Variants in SEMA6D observed in about 807,000 individuals in gnomAD.
SEMA6D encodes semaphorin-6D.
SEMA6D carries 35 observed loss-of-function variants against 106.6 expected under a neutral mutation model. That is an observed-to-expected ratio of 0.33 (90% CI 0.25 to 0.44). The LOEUF (loss-of-function observed/expected upper bound fraction) is 0.44. Ranked by LOEUF, SEMA6D falls within the 20% of genes least tolerant of loss-of-function variation. The pLI, the probability that SEMA6D is intolerant of heterozygous loss-of-function variation, is 1.00. For synonymous variants in SEMA6D, 499 were observed against 487.7 expected, an observed-to-expected ratio of 1.02 and a Z score of -0.31; for missense variants, 1,185 against 1,345.9, an observed-to-expected ratio of 0.88 and a Z score of 1.87.
chr15:47,737,444 A>AG (rs1473506960), intron 1 of SEMA6D, among the ~76,000 whole-genome samples: 1 of 152,208 alleles, frequency 6.6e-6, no homozygotes, highest in East Asian at 1.9e-4. Flanking sequence ...TTAATTTTAA[A>AG]GGGGAAAAAT....
chr15:47,649,157 A>G (rs1188349640), intron 4 of SEMA6D, among the ~76,000 whole-genome samples: 1 of 152,186 alleles, frequency 6.6e-6, no homozygotes, highest in African/African-American at 2.4e-5. Context: ...CATAAGGAAG[A>G]GAACAGCTAT....
rs2044425757 is a variant in SEMA6D, at chr15:47,517,460, T to C, written c.-87+46915T>C. On this transcript the variant is annotated intron_variant, in intron 3 of 19. Coordinates refer to the SEMA6D transcript ENST00000558014. ...ATGCGTTCATTACACATCTATATTG[T>C]ACTCTAAAAAGTGTAGTGAATTCTA... Among the ~76,000 whole-genome samples the C allele has an allele frequency of 2.0e-5, 3 of 152,294 alleles. No homozygotes were observed. The South Asian group carries it at 6.2e-4, about 32-fold the overall frequency.
intron 1 of SEMA6D, among the ~76,000 whole-genome samples, chr15:47,405,484 G>T (rs1163082822): frequency 6.6e-6 from 1 of 152,110 alleles, no homozygotes; most frequent in African/African-American, 2.4e-5. Flanking sequence ...GGTCAAGTGG[G>T]AATGGAGGAG....
At chr15:47,724,864 C>T (rs2079639815) in intron 1 of SEMA6D, among the ~76,000 whole-genome samples, 1 of 152,164 alleles carries the variant, frequency 6.6e-6, no homozygotes. Context: ...GCTCCGTGAT[C>T]AGGACTAAAA....
At chr15:47,202,230 T>C (rs147862997) in intron 1 of SEMA6D, among the ~76,000 whole-genome samples, 1 of 152,090 alleles carries the variant, frequency 6.6e-6, no homozygotes, top group Admixed American at 6.6e-5. Context: ...GTTGTTACAC[T>C]GCGTCTCTAA....
chr15:47,508,072 C>G (rs1364643874), intron 3 of SEMA6D, among the ~76,000 whole-genome samples: 1 of 152,152 alleles, frequency 6.6e-6, no homozygotes, highest in Non-Finnish European at 1.5e-5. Context: ...GGGAACATCA[C>G]CAACCTCTCT....
intron 4 of SEMA6D, among the ~76,000 whole-genome samples, chr15:47,622,097 T>C (rs1011994261): frequency 1.3e-5 from 2 of 151,890 alleles, no homozygotes; most frequent in Admixed American, 6.6e-5. Context: ...TCAGGGTAGA[T>C]TGCTGGTGGT....
Position 47,612,865 on chromosome 15 carries a change from A to G in SEMA6D, c.-55+11969A>G, listed in dbSNP as rs190468987. On this transcript the variant is annotated intron_variant, in intron 4 of 19. Transcript: ENST00000558014. ...ACAATTGTTCTCTTGGCAACTTGCT[A>G]TAAATCTGCAACTTTTACAACTTCT... is the stretch of plus-strand genomic sequence containing the variant. Among the ~76,000 whole-genome samples, 83 of 152,294 alleles carry G rather than the reference A, an allele frequency of 5.4e-4. No individual in the cohort carries two copies. The East Asian group carries it at 8.5e-3, about 16-fold the overall frequency.
chr15:47,772,355 TGC>T lies in SEMA6D; in HGVS notation c.*572_*573del, dbSNP rs1446090867. ...GCCACCAACAAACTTGTTGTGTGTG[TGC>T]GTGTGTGTGTGTGTGTGTGTGTGTG... On this transcript the variant is annotated 3_prime_UTR_variant, in exon 19 of 19. Transcript: ENST00000536845. 9 of 128,394 alleles carry T rather than the reference TGC, an allele frequency of 7.0e-5. No individual in the cohort carries two copies. In the South Asian group the frequency reaches 1.7e-3, roughly 24 times the overall value. 8.0% of individuals were successfully genotyped at this position (128,394 alleles called of 1,614,324 possible).
intron 1 of SEMA6D, among the ~76,000 whole-genome samples, chr15:47,323,887 T>C (rs2037023660): frequency 6.6e-6 from 1 of 152,264 alleles, no homozygotes. Flanking sequence ...TCAAACTGCT[T>C]TCTGAGTTAA....
upstream of SEMA6D, among the ~76,000 whole-genome samples, chr15:47,713,246 GTAGAA>G (rs2079053006): frequency 6.6e-6 from 1 of 151,558 alleles, no homozygotes; most frequent in Non-Finnish European, 1.5e-5. Flanking sequence ...TCATGCTGAG[GTAGAA>G]TAATCAAAAT....
rs538611518 is a variant in SEMA6D, at chr15:47,726,612, T to A, written c.-55+8920T>A. On this transcript the variant is annotated intron_variant, in intron 1 of 18. Coordinates refer to ENST00000536845, the MANE Select transcript of SEMA6D (RefSeq NM_001358351.3). ...ATAAGCTGTGTAATCTTTAACAAAT[T>A]ACTTCACCTCTTTGAGACTCATTTT... Among the ~76,000 whole-genome samples, 12 of 152,300 alleles carry A rather than the reference T, an allele frequency of 7.9e-5. No homozygotes were observed. The South Asian group carries it at 2.1e-3, about 26-fold the overall frequency.
intron 4 of SEMA6D, among the ~76,000 whole-genome samples, chr15:47,622,572 G>A (rs2077126701): frequency 1.3e-5 from 2 of 152,008 alleles, no homozygotes; most frequent in South Asian, 2.1e-4. Context: ...TGCAGAAGCC[G>A]ACCCCAAAAC....
intron 3 of SEMA6D, among the ~76,000 whole-genome samples, chr15:47,523,446 A>G (rs1350742503): frequency 1.3e-5 from 2 of 152,034 alleles, no homozygotes; most frequent in Non-Finnish European, 2.9e-5. Context: ...CAGGAAGAAC[A>G]GTTGGGAAGA....
At chr15:47,555,568 T>G (rs772492450) in intron 3 of SEMA6D, among the ~76,000 whole-genome samples, 3 of 152,156 alleles carry the variant, frequency 2.0e-5, no homozygotes, top group Non-Finnish European at 2.9e-5. Flanking sequence ...TCCAAGTTAC[T>G]AAATTTACTG....
chr15:47,278,697 G>A (rs1461556673), intron 1 of SEMA6D, among the ~76,000 whole-genome samples: 2 of 151,706 alleles, frequency 1.3e-5, no homozygotes, highest in African/African-American at 4.8e-5. Context: ...CCATGCCTAT[G>A]TCCTGAATGG....
intron 1 of SEMA6D, among the ~76,000 whole-genome samples, chr15:47,339,373 G>A (rs758333228): frequency 1.2e-4 from 19 of 152,114 alleles, no homozygotes; most frequent in Non-Finnish European, 2.2e-4. Context: ...TTCAACCCAT[G>A]GGATGTGACA....
intron 3 of SEMA6D, among the ~76,000 whole-genome samples, chr15:47,492,856 G>T (rs2043514661): frequency 6.6e-6 from 1 of 152,096 alleles, no homozygotes; most frequent in South Asian, 2.1e-4. Context: ...ATATATTTTT[G>T]ATAGTTGTCT....
At chr15:47,301,188 C>T (rs1275241762) in intron 1 of SEMA6D, among the ~76,000 whole-genome samples, 2 of 152,118 alleles carry the variant, frequency 1.3e-5, no homozygotes, top group East Asian at 1.9e-4. Context: ...TTGGAGTCAG[C>T]GATTTCTAAG....
Sources: allele counts gnomAD v4.1 joint callset (sites outside exome capture counted in the v4.1 genomes callset), GRCh38; gene constraint gnomAD v4.1.1; transcripts MANE v1.5; gene names NCBI Gene and HGNC (gene_info 2026-07-23, HGNC 2026-07-21).